The following KCTD8 variants were observed in gnomAD, a reference collection of about 807,000 sequenced individuals.
The protein encoded by KCTD8 is potassium channel tetramerization domain containing 8.
KCTD8 carries 27 observed loss-of-function variants against 31.5 expected under a neutral mutation model. The observed-to-expected ratio is 0.86, with a 90% CI of 0.63 to 1.18. KCTD8 has a LOEUF of 1.18. Among genes scored for constraint, KCTD8 ranks in the 50% most tolerant of loss-of-function variants. The pLI is 0.00. For missense variants in KCTD8, 658 were observed against 647.7 expected, an observed-to-expected ratio of 1.02 and a Z score of -0.17; for synonymous variants, 290 against 280.0, an observed-to-expected ratio of 1.04 and a Z score of -0.36.
At chr4:44,310,438 T>C (rs981199338) in intron 1 of KCTD8, among the ~76,000 whole-genome samples, 1 of 152,110 alleles carries the variant, frequency 6.6e-6, no homozygotes, top group African/African-American at 2.4e-5. Context: ...AAAATACAGA[T>C]TTTTAACACA....
intron 1 of KCTD8, among the ~76,000 whole-genome samples, chr4:44,290,553 T>C (rs1717241061): frequency 6.6e-6 from 1 of 152,160 alleles, no homozygotes; most frequent in Non-Finnish European, 1.5e-5. Context: ...ATTGAATACA[T>C]GCTGGGTCAT....
chr4:44,207,354 C>T lies in KCTD8; in HGVS notation c.962-32104G>A, dbSNP rs528064797. 6.6e-5 allele frequency among the ~76,000 whole-genome samples: 10 copies of T among 152,222 alleles called. No homozygotes were observed. In the South Asian group the frequency reaches 1.9e-3, roughly 28 times the overall value. On this transcript the variant is annotated intron_variant, in intron 1 of 1. Coordinates refer to ENST00000360029, the MANE Select transcript of KCTD8 (RefSeq NM_198353.3). ...CCTGGCCATCCTATTTTAAATCATA[C>T]CCCATCTCTACTTCTTCCTGATTTC...
chr4:44,373,472 C>T (rs1466498389), intron 1 of KCTD8, among the ~76,000 whole-genome samples: 2 of 152,090 alleles, frequency 1.3e-5, no homozygotes, highest in African/African-American at 4.8e-5. Context: ...CGGTACCTAA[C>T]CTGTTTATCC....
intron 1 of KCTD8, among the ~76,000 whole-genome samples, chr4:44,286,630 T>TA (rs1456533741): frequency 6.6e-6 from 1 of 152,110 alleles, no homozygotes; most frequent in Non-Finnish European, 1.5e-5. Context: ...CAATAACAGA[T>TA]ACGTTTAAAG....
intron 1 of KCTD8, among the ~76,000 whole-genome samples, chr4:44,445,373 T>C (rs1721914223): frequency 6.6e-6 from 1 of 152,174 alleles, no homozygotes; most frequent in African/African-American, 2.4e-5. Context: ...CAAAATAGGT[T>C]GCCTCCTTAG....
chr4:44,411,478 T>C lies in KCTD8; in HGVS notation c.961+36085A>G, dbSNP rs528870969. On this transcript the variant is annotated intron_variant, in intron 1 of 1. Coordinates refer to ENST00000360029, the MANE Select transcript of KCTD8 (RefSeq NM_198353.3). ...TTTGTGATCTCCTTTGAGATAAAGT[T>C]GAGAACATAATGCCAAAAATCACAA... Among the ~76,000 whole-genome samples, 14 of 152,060 alleles carry C rather than the reference T, an allele frequency of 9.2e-5. No individual in the cohort carries two copies. In the South Asian group the frequency reaches 2.9e-3, roughly 32 times the overall value.
intron 1 of KCTD8, among the ~76,000 whole-genome samples, chr4:44,337,609 G>C (rs1003815562): frequency 6.6e-6 from 1 of 151,266 alleles, no homozygotes; most frequent in Non-Finnish European, 1.5e-5. Context: ...GGGAGGAGGA[G>C]GTTGCAGTGA....
At chr4:44,301,287 G>A (rs1334159147) in intron 1 of KCTD8, among the ~76,000 whole-genome samples, 6 of 152,058 alleles carry the variant, frequency 3.9e-5, no homozygotes, top group East Asian at 1.9e-4. Context: ...CTGAGGAATC[G>A]CCACACTGAC....
intron 1 of KCTD8, among the ~76,000 whole-genome samples, chr4:44,375,842 C>T (rs549587807): frequency 6.6e-6 from 1 of 152,208 alleles, no homozygotes; most frequent in South Asian, 2.1e-4. Flanking sequence ...AGGGATTATA[C>T]CAAATCCCTC....
intron 1 of KCTD8, among the ~76,000 whole-genome samples, chr4:44,320,014 A>C (rs1420570382): frequency 1.3e-5 from 2 of 151,788 alleles, no homozygotes; most frequent in Non-Finnish European, 2.9e-5. Flanking sequence ...TCTACTAAAA[A>C]TACAAAAATT....
At chr4:44,199,629 A>G (rs1714071658) in intron 1 of KCTD8, among the ~76,000 whole-genome samples, 1 of 152,114 alleles carries the variant, frequency 6.6e-6, no homozygotes, top group South Asian at 2.1e-4. Flanking sequence ...ACAACTTCCC[A>G]AAACCTTTGG....
intron 1 of KCTD8, among the ~76,000 whole-genome samples, chr4:44,283,029 TTATTATTA>T (rs1560414937): frequency 2.2e-3 from 19 of 8,642 alleles, no homozygotes; most frequent in African/African-American, 5.8e-3. Context: ...ACACATTTTA[TTATTATTA>T]TTATTATTAT....
At chr4:44,325,380 T>C (rs185047123) in intron 1 of KCTD8, among the ~76,000 whole-genome samples, 2 of 152,082 alleles carry the variant, frequency 1.3e-5, no homozygotes, top group Non-Finnish European at 2.9e-5. Flanking sequence ...GCCCTCTAGG[T>C]TCTTGTGAAC....
At chr4:44,358,513 A>G (rs1719404893) in intron 1 of KCTD8, among the ~76,000 whole-genome samples, 1 of 151,748 alleles carries the variant, frequency 6.6e-6, no homozygotes, top group Admixed American at 6.6e-5. Context: ...TCCCACCAAC[A>G]GTGTCCAAGT....
chr4:44,349,290 T>C (rs1376724136), intron 1 of KCTD8, among the ~76,000 whole-genome samples: 2 of 152,088 alleles, frequency 1.3e-5, no homozygotes, highest in Admixed American at 6.6e-5. Context: ...CTTCAGAATA[T>C]GATGCAGATC....
chr4:44,447,785 C>T lies in KCTD8; in HGVS notation c.739G>A (p.Val247Ile), dbSNP rs781683655. The T allele has an allele frequency of 4.4e-6, 7 of 1,608,258 alleles. No individual in the cohort carries two copies. Among genetic ancestry groups the T allele is most frequent in the Non-Finnish European group, 1.7e-6 (2 of 1,176,694 alleles). Residue 247 changes from valine to isoleucine, a missense_variant, in exon 1 of 2, where the codon GTC becomes ATC. Transcript: ENST00000360029. ...VCGRIALAKE[V>I]FGDTLNESRD... ...CTCTCGTTGAGCGTGTCCCCGAAGA[C>T]CTCCTTGGCCAGCGCGATGCGCCCG...
chr4:44,308,427 G>A (rs1717864946), intron 1 of KCTD8, among the ~76,000 whole-genome samples: 1 of 151,870 alleles, frequency 6.6e-6, no homozygotes, highest in Admixed American at 6.6e-5. Flanking sequence ...ATAATGGATT[G>A]TGGACTAATA....
chr4:44,175,418 G>A (rs982180797), intron 1 of KCTD8, among the ~76,000 whole-genome samples, 168 bp from the exon 2 acceptor site: 1 of 152,046 alleles, frequency 6.6e-6, no homozygotes, highest in African/African-American at 2.4e-5. Context: ...ACAAGACCTA[G>A]GGTCTTTAGT....
intron 1 of KCTD8, among the ~76,000 whole-genome samples, chr4:44,265,085 C>A (rs1688474831): frequency 6.6e-6 from 1 of 152,178 alleles, no homozygotes; most frequent in Non-Finnish European, 1.5e-5. Context: ...GGCAGACTGC[C>A]TCCTCAAGTG....
Sources: gnomAD v4.1 joint callset for allele counts (sites outside exome capture counted in the v4.1 genomes callset) on GRCh38, gnomAD v4.1.1 for gene constraint, MANE v1.5 for transcripts, NCBI Gene and HGNC (gene_info 2026-07-23, HGNC 2026-07-21) for gene names.